Variants in GRM4 observed in about 807,000 individuals in gnomAD.
GRM4 encodes metabotropic glutamate receptor 4.
In GRM4, 28 loss-of-function variants were observed where a neutral mutation model predicts 81.7. The observed-to-expected ratio is 0.34, with a 90% CI of 0.25 to 0.47. GRM4 has a LOEUF of 0.47. GRM4 is among the 20% of genes least tolerant of loss of function. The probability of loss-of-function intolerance (pLI) is 1.00; values close to 1 mark genes in which losing one functional copy is unlikely to be tolerated. For missense variants in GRM4, 948 were observed against 1,290.0 expected (o/e 0.73, Z 4.06); for synonymous variants, 488 against 528.8 (o/e 0.92, Z 1.06).
At chr6:34,084,707 C>T (rs571739604) in intron 3 of GRM4, among the ~76,000 whole-genome samples, 213 of 152,362 alleles carry the variant, frequency 1.4e-3, no homozygotes, top group African/African-American at 5.0e-3. Flanking sequence ...CCCCACCCCA[C>T]GGCCACAGGA....
chr6:34,039,791 C>A (rs1301281939), intron 8 of GRM4, among the ~76,000 whole-genome samples: 2 of 152,024 alleles, frequency 1.3e-5, no homozygotes, highest in Non-Finnish European at 2.9e-5. Flanking sequence ...CAGCCCTCCC[C>A]CTCCTCACCT....
rs543783934 is a variant in GRM4, at chr6:34,103,855, G to C, written c.520-11756C>G. On this transcript the variant is annotated intron_variant, in intron 2 of 10. Coordinates refer to ENST00000538487, the MANE Select transcript of GRM4 (RefSeq NM_000841.4). ...AAGACTGGGATGTGTCAGGCACTGC[G>C]AGGGTCCCGAGGGAGAATGAGTGTT... is the stretch of plus-strand genomic sequence containing the variant. 88 of 1,416,326 alleles carry C rather than the reference G, an allele frequency of 6.2e-5. No individual in the cohort carries two copies. The African/African-American group carries it at 9.7e-4, about 16-fold the overall frequency. 87.7% of individuals were successfully genotyped at this position (1,416,326 alleles called of 1,614,324 possible). A position where few individuals can be genotyped will look rare whatever the true frequency, so the allele number is the denominator to read the frequency against.
At chr6:34,148,378 TCA>T (rs371128708), upstream of GRM4, among the ~76,000 whole-genome samples, 391 of 108,294 alleles carry the variant, frequency 3.6e-3, 1 homozygote, top group Middle Eastern at 0.028. Context: ...AAACACAGAC[TCA>T]CACACACACA....
Position 34,080,541 on chromosome 6 carries a change from G to A in GRM4, c.736+11342C>T, listed in dbSNP as rs932207221. Reference sequence around the variant, plus strand: ...TGCAGATGAATAAATTACTGTGGAGGAAAGGGATGCAAAGGCTGGAGGGCA... The same window carrying A: ...TGCAGATGAATAAATTACTGTGGAGAAAAGGGATGCAAAGGCTGGAGGGCA... On this transcript the variant is annotated intron_variant, in intron 3 of 10. Coordinates refer to ENST00000538487, the MANE Select transcript of GRM4 (RefSeq NM_000841.4). This position sits in a 1 kb window ranked among gnomAD's most constrained non-coding sequence, Gnocchi z 5.4. 2.0e-5 allele frequency among the ~76,000 whole-genome samples: 3 copies of A among 152,172 alleles called. No individual in the cohort carries two copies. The highest frequency in any genetic ancestry group is 7.2e-5 in the African/African-American group (3 of 41,420).
chr6:34,096,409 C>A (rs2127489886), intron 2 of GRM4, among the ~76,000 whole-genome samples: 1 of 152,312 alleles, frequency 6.6e-6, no homozygotes, highest in South Asian at 2.1e-4. Flanking sequence ...CCAGAGGGGG[C>A]CTAGCCTCCC....
chr6:34,059,705 T>C lies in GRM4; in HGVS notation c.873-577A>G, dbSNP rs181980129. 627 of 157,660 alleles carry C rather than the reference T, an allele frequency of 4.0e-3. 3 individuals are homozygous for C. Among genetic ancestry groups the C allele is most frequent in the African/African-American group, 9.6e-3 (400 of 41,606 alleles). The allele number at this position is 157,660 out of a possible 1,614,324, so 9.8% of individuals were successfully genotyped here. A position where few individuals can be genotyped will look rare whatever the true frequency, so the allele number is the denominator to read the frequency against. On this transcript the variant is annotated intron_variant, in intron 4 of 10. Transcript: ENST00000538487. This position sits in a 1 kb window ranked among gnomAD's most constrained non-coding sequence, Gnocchi z 5.7. ...AGTGGGAGTGGGTGATGGAGGGAGATGGGTGTGGAGCCAGCTGCCCAGTGC... is the reference window on the plus strand; with the variant it reads ...AGTGGGAGTGGGTGATGGAGGGAGACGGGTGTGGAGCCAGCTGCCCAGTGC...
At chr6:34,054,384 A>C in intron 6 of GRM4, 1 of 150,614 alleles carries the variant, frequency 6.6e-6, no homozygotes, top group Non-Finnish European at 1.5e-5. Context: ...CTGGTCTTGA[A>C]CTCCTGACCT....
rs887729029 is a variant in GRM4 at position 34,035,085 on chromosome 6, G to A, written c.2442+583C>T. 6.6e-6 allele frequency among the ~76,000 whole-genome samples: 1 copy of A among 152,172 alleles called. No individual in the cohort carries two copies. Among genetic ancestry groups the A allele is most frequent in the East Asian group, 1.9e-4 (1 of 5,180 alleles). ...AGAAGGGGGGTCCCATGGGGATCTT[G>A]TGAGGGGTAGATGGAGGAGGGAGAA... On this transcript the variant is annotated intron_variant, in intron 9 of 10. Coordinates refer to ENST00000538487, the MANE Select transcript of GRM4 (RefSeq NM_000841.4). The surrounding 1 kb of genome is among the most constrained non-coding windows in gnomAD (Gnocchi z 6.6).
At chr6:34,094,822 C>A (rs1428791581) in intron 2 of GRM4, among the ~76,000 whole-genome samples, 1 of 152,190 alleles carries the variant, frequency 6.6e-6, no homozygotes, top group Non-Finnish European at 1.5e-5. Flanking sequence ...CCGGGCCACA[C>A]AGCCGGCGGC....
In GRM4 at chr6:34,036,151, C is replaced by G; in HGVS notation, c.1959G>C (p.Ser653=). 1 of 1,614,162 alleles carries G rather than the reference C, an allele frequency of 6.2e-7. No individual in the cohort carries two copies. Residue 653 remains serine (S), a synonymous_variant, in exon 9 of 11, where the codon TCG becomes TCC. Coordinates refer to ENST00000538487, the MANE Select transcript of GRM4 (RefSeq NM_000841.4). This position sits in a 1 kb window ranked among gnomAD's most constrained non-coding sequence, Gnocchi z 9.0. ...CTAGTCCCAGGAAGATTCGGCGCAGCGAGCAGGTGCCAAGGTCGGGCTCAG... is the reference window on the plus strand; with the variant it reads ...CTAGTCCCAGGAAGATTCGGCGCAGGGAGCAGGTGCCAAGGTCGGGCTCAG... ...MIAEPDLGTC[S]LRRIFLGLGM... is the part of the protein sequence containing the mutation.
At chr6:34,102,207 C>A in intron 2 of GRM4, 1 of 1,486,570 alleles carries the variant, frequency 6.7e-7, no homozygotes, top group South Asian at 1.2e-5. Flanking sequence ...GCAAAATTCA[C>A]ACACCAGCCT....
chr6:34,114,201 A>G lies in GRM4; in HGVS notation c.519+18777T>C, dbSNP rs1769494241. 6.6e-6 allele frequency among the ~76,000 whole-genome samples: 1 copy of G among 152,066 alleles called. No individual in the cohort carries two copies. The highest frequency in any genetic ancestry group is 2.4e-5 in the African/African-American group (1 of 41,390). ...CCCCACTCATGTAAGTGATTACATC[A>G]TGTCTCCTGTCTTTCTTCCCACTCC... On this transcript the variant is annotated intron_variant, in intron 2 of 10. Transcript: ENST00000538487. This position sits in a 1 kb window ranked among gnomAD's most constrained non-coding sequence, Gnocchi z 4.3.
chr6:34,066,533 C>T (rs537022368), intron 3 of GRM4, among the ~76,000 whole-genome samples: 30 of 151,806 alleles, frequency 2.0e-4, no homozygotes, highest in African/African-American at 2.9e-4. Context: ...TGCATGAGGG[C>T]GGGAGACTTT....
At chr6:34,077,886 C>T (rs112421250) in intron 3 of GRM4, among the ~76,000 whole-genome samples, 44 of 152,288 alleles carry the variant, frequency 2.9e-4, no homozygotes, top group Middle Eastern at 3.4e-3. Flanking sequence ...CACTGCACTT[C>T]GCACAGTGAA....
chr6:34,084,938 T>C (rs1416531032), intron 3 of GRM4, among the ~76,000 whole-genome samples: 8 of 152,198 alleles, frequency 5.3e-5, no homozygotes, highest in Non-Finnish European at 1.2e-4. Flanking sequence ...ACATCCCTTT[T>C]TTTACTTATT....
intron 3 of GRM4, among the ~76,000 whole-genome samples, chr6:34,072,172 CCA>C (rs1766937943): frequency 7.7e-6 from 1 of 129,564 alleles, no homozygotes; most frequent in African/African-American, 2.8e-5. Context: ...CCATACATCA[CCA>C]CACAGATACA....
At chr6:34,072,473 TACAC>T (rs1481610134) in intron 3 of GRM4, among the ~76,000 whole-genome samples, 2 of 37,302 alleles carry the variant, frequency 5.4e-5, no homozygotes, top group African/African-American at 2.3e-4. Context: ...ACCATACAGA[TACAC>T]ACCCACACAC....
At chr6:34,053,758 G>C (rs1293495439) in intron 6 of GRM4, among the ~76,000 whole-genome samples, 1 of 152,208 alleles carries the variant, frequency 6.6e-6, no homozygotes, top group African/African-American at 2.4e-5. Context: ...TGCATCCAGT[G>C]CAAATTAAAC....
At chr6:34,027,654 C>T (rs901949055) in intron 10 of GRM4, among the ~76,000 whole-genome samples, 8 of 152,196 alleles carry the variant, frequency 5.3e-5, no homozygotes, top group East Asian at 1.9e-4. Context: ...CCCACCCCAC[C>T]GGGTTACCAA....
Sources: gnomAD v4.1 joint callset for allele counts (sites outside exome capture counted in the v4.1 genomes callset) on GRCh38, gnomAD v4.1.1 for gene constraint, Gnocchi (gnomAD v3.1) non-coding constraint, MANE v1.5 for transcripts, NCBI Gene and HGNC (gene_info 2026-07-23, HGNC 2026-07-21) for gene names.